The following ERCC3 variants were observed in gnomAD, a reference collection of about 807,000 sequenced individuals.
The protein encoded by ERCC3 is general transcription and DNA repair factor IIH helicase/translocase subunit XPB.
ERCC3 carries 66 observed loss-of-function variants against 94.2 expected under a neutral mutation model. That is an observed-to-expected ratio of 0.70 (90% CI 0.57 to 0.86). The LOEUF (loss-of-function observed/expected upper bound fraction) is 0.86, where lower values mean the gene tolerates loss of function less well. ERCC3 is among the 40% of genes least tolerant of loss of function. The pLI is 0.00. For missense variants in ERCC3, 829 were observed against 987.1 expected (o/e 0.84, Z 2.15); for synonymous variants, 349 against 369.1 (o/e 0.95, Z 0.63).
chr2:127,280,590 A>G lies in ERCC3; in HGVS notation c.1384T>C (p.Cys462Arg), dbSNP rs758594852. ...AGGGTCGCAGTCAAACCCAGCTTAC[A>G]GTGGGCCTGCACGATGGTGAGCACC... is the stretch of plus-strand genomic sequence containing the variant. ...RRVLTIVQAH[C>R]KLGLTATLVR... The change falls in exon 9 of 15, where the codon TGT (cysteine) becomes CGT (arginine). Residue 462 changes from cysteine (C) to arginine (R), a missense_variant. Cys to Arg is a radical substitution (Grantham distance 180). Coordinates refer to ENST00000285398, the MANE Select transcript of ERCC3 (RefSeq NM_000122.2). This position sits in a 1 kb window ranked among gnomAD's most constrained non-coding sequence, Gnocchi z 6.3. The G allele has an allele frequency of 3.7e-6, 6 of 1,614,208 alleles. No homozygotes were observed. The highest frequency in any genetic ancestry group is 5.1e-6 in the Non-Finnish European group (6 of 1,180,036).
intron 8 of ERCC3, among the ~76,000 whole-genome samples, chr2:127,285,982 T>TAA (rs11383326): frequency 4.7e-5 from 7 of 149,614 alleles, no homozygotes; most frequent in East Asian, 3.9e-4. Context: ...TAGAGCAGCT[T>TAA]AAAAAAAAAA....
chr2:127,283,544 T>C (rs1030306958), intron 8 of ERCC3, among the ~76,000 whole-genome samples: 1 of 152,190 alleles, frequency 6.6e-6, no homozygotes, highest in African/African-American at 2.4e-5. Context: ...TAAACATTCG[T>C]GTACAGGATT....
chr2:127,283,411 T>G (rs1684977402), intron 8 of ERCC3, among the ~76,000 whole-genome samples: 1 of 152,234 alleles, frequency 6.6e-6, no homozygotes, highest in African/African-American at 2.4e-5. Flanking sequence ...GGTTGCAACA[T>G]GCAGCAAGTT....
chr2:127,280,358 T>C lies in ERCC3; in HGVS notation c.1527+89A>G. The C allele has an allele frequency of 3.3e-6, 4 of 1,225,316 alleles. No individual in the cohort carries two copies. In the South Asian group the frequency reaches 3.9e-5, roughly 12 times the overall value. The allele number at this position is 1,225,316 out of a possible 1,614,324, so 75.9% of individuals were successfully genotyped here. A position where few individuals can be genotyped will look rare whatever the true frequency, so the allele number is the denominator to read the frequency against. On this transcript the variant is annotated intron_variant, in intron 9 of 14. Coordinates refer to ENST00000285398, the MANE Select transcript of ERCC3 (RefSeq NM_000122.2). This position sits in a 1 kb window ranked among gnomAD's most constrained non-coding sequence, Gnocchi z 6.3. The stretch of plus-strand genomic sequence containing the variant: ...TAGCAGGTGAGCCTAAGTCCTGACC[T>C]GTGTCTGCCCATGAGGAATCGATCT...
chr2:127,280,588 A>C lies in ERCC3; in HGVS notation c.1386T>G (p.Cys462Trp). 6.2e-7 allele frequency: 1 copy of C among 1,614,232 alleles called. No individual in the cohort carries two copies. The highest frequency in any genetic ancestry group is 8.5e-7 in the Non-Finnish European group (1 of 1,180,044). ...RRVLTIVQAH[C>W]KLGLTATLVR... ...CGAGGGTCGCAGTCAAACCCAGCTT[A>C]CAGTGGGCCTGCACGATGGTGAGCA... The change falls in exon 9 of 15, where the codon TGT becomes TGG. Residue 462 changes from cysteine (C) to tryptophan (W), a missense_variant. Transcript: ENST00000285398. The surrounding 1 kb of genome is among the most constrained non-coding windows in gnomAD (Gnocchi z 6.3).
chr2:127,290,974 T>G (rs1685250215), intron 3 of ERCC3: 1 of 152,652 alleles, frequency 6.6e-6, no homozygotes, highest in African/African-American at 2.4e-5. Context: ...CCCAGCTACT[T>G]GGGAGGCTGA....
intron 13 of ERCC3, 96 bp downstream of exon 13, chr2:127,261,132 T>G (rs900515943): frequency 2.0e-5 from 16 of 788,748 alleles, no homozygotes; most frequent in Non-Finnish European, 3.7e-5. Flanking sequence ...TAATGCTTGG[T>G]GCCTGCCTGC....
chr2:127,267,699 T>C (rs926871934), intron 12 of ERCC3, among the ~76,000 whole-genome samples: 1 of 152,196 alleles, frequency 6.6e-6, no homozygotes, highest in Non-Finnish European at 1.5e-5. Flanking sequence ...ACAGGGTCTG[T>C]GGGCTATGTG....
At chr2:127,292,342 C>T in intron 3 of ERCC3, 1 of 542,596 alleles carries the variant, frequency 1.8e-6, no homozygotes. Context: ...TGTTAATACC[C>T]ACAGCTGGGA....
In ERCC3 at chr2:127,274,304, G is replaced by A. The variant is rs1287993308; in HGVS notation, c.1731-1343C>T. Among the ~76,000 whole-genome samples, 15 of 146,984 alleles carry A rather than the reference G, an allele frequency of 1.0e-4. No individual in the cohort carries two copies. Among genetic ancestry groups the A allele is most frequent in the Non-Finnish European group, 2.1e-4 (14 of 67,230 alleles). On this transcript the variant is annotated intron_variant, in intron 10 of 14. Transcript: ENST00000285398. The surrounding 1 kb of genome is among the most constrained non-coding windows in gnomAD (Gnocchi z 4.0). ...CACTCCAGCCTGGGCAACAGAGTGA[G>A]ACTCCGTCTCAGAAAAAAAAAAAAA...
chr2:127,261,380 GACA>G (rs765700878), intron 12 of ERCC3, 34 bp from the exon 13 acceptor site: 42 of 1,285,544 alleles, frequency 3.3e-5, no homozygotes, highest in Non-Finnish European at 4.0e-5. Context: ...CAATAAAGAA[GACA>G]ACATTAGCCA....
intron 10 of ERCC3, among the ~76,000 whole-genome samples, chr2:127,278,013 A>G (rs1274575697): frequency 2.0e-5 from 3 of 152,166 alleles, no homozygotes; most frequent in African/African-American, 7.2e-5. Flanking sequence ...CCAAGGCAGG[A>G]GGAACTGCTT....
chr2:127,283,983 G>A (rs970033734), intron 8 of ERCC3, among the ~76,000 whole-genome samples: 1 of 150,894 alleles, frequency 6.6e-6, no homozygotes, highest in Non-Finnish European at 1.5e-5. Context: ...TCACCTTCCA[G>A]ACCAGCTCCT....
chr2:127,271,368 T>C lies in ERCC3; in HGVS notation c.1913A>G (p.Gln638Arg), dbSNP rs767273632. The change falls in exon 12 of 15, where the codon CAA (glutamine) becomes CGA (arginine). Residue 638 changes from glutamine to arginine, a missense_variant. Gln to Arg is a conservative substitution (Grantham distance 43). Coordinates refer to ENST00000285398, the MANE Select transcript of ERCC3 (RefSeq NM_000122.2). This position sits in a 1 kb window ranked among gnomAD's most constrained non-coding sequence, Gnocchi z 5.0. ...AGCTCGAAGCACCCGCCCTAGCCTT[T>C]GGGCTTCCTGACGCCTGGAGCCACC... Reference protein sequence around the residue: ...SHGGSRRQEAQRLGRVLRAKK... With the variant: ...SHGGSRRQEARRLGRVLRAKK... 1 of 1,614,076 alleles carries C rather than the reference T, an allele frequency of 6.2e-7. No homozygotes were observed. Among genetic ancestry groups the C allele is most frequent in the South Asian group, 1.1e-5 (1 of 91,088 alleles).
chr2:127,288,629 T>C (rs1685159300), intron 7 of ERCC3, 31 bp downstream of exon 7: 4 of 1,590,768 alleles, frequency 2.5e-6, no homozygotes, highest in Non-Finnish European at 3.5e-6. Context: ...CACAACAGCC[T>C]GACCACCTTC....
At position 127,277,483 on chromosome 2, in the gene ERCC3, A is replaced by AG. The variant is rs1684767440; in HGVS notation, c.1730+1689dup. Among the ~76,000 whole-genome samples the AG allele has an allele frequency of 1.3e-5, 2 of 152,182 alleles. 1 individual carries two copies. Among genetic ancestry groups the AG allele is most frequent in the South Asian group, 4.1e-4 (2 of 4,832 alleles). On this transcript the variant is annotated intron_variant, in intron 10 of 14. Coordinates refer to ENST00000285398, the MANE Select transcript of ERCC3 (RefSeq NM_000122.2). The surrounding 1 kb of genome is among the most constrained non-coding windows in gnomAD (Gnocchi z 5.1). ...GAGGCAGGCAGATCACGAGGTCAAG[A>AG]GATCGAGACCATCCTGGCCAATATG...
At chr2:127,293,937 C>T (rs533827107) in intron 1 of ERCC3, 117 bp downstream of exon 1, 105 of 1,533,280 alleles carry the variant, frequency 6.8e-5, no homozygotes, top group Middle Eastern at 5.9e-4. Flanking sequence ...CAACGGGGTG[C>T]GCGCGGGAGG....
At position 127,277,689 on chromosome 2, in the gene ERCC3, CA is replaced by C. The variant is rs34067323; in HGVS notation, c.1730+1483del. Among the ~76,000 whole-genome samples the C allele has an allele frequency of 4.1e-5, 6 of 144,622 alleles. No individual in the cohort carries two copies. Among genetic ancestry groups the C allele is most frequent in the Admixed American group, 6.9e-5 (1 of 14,524 alleles). 94.9% of individuals were successfully genotyped at this position (144,622 alleles called of 152,430 possible). On this transcript the variant is annotated intron_variant, in intron 10 of 14. Transcript: ENST00000285398. The surrounding 1 kb of genome is among the most constrained non-coding windows in gnomAD (Gnocchi z 5.1). ...CTGGCAACAGAGCAAGACTCCGTCT[CA>C]AAAAAAAAAGGAAAATGTAATAGTA...
At chr2:127,268,490 T>A (rs1196890315) in intron 12 of ERCC3, among the ~76,000 whole-genome samples, 4 of 152,098 alleles carry the variant, frequency 2.6e-5, no homozygotes, top group Non-Finnish European at 5.9e-5. Flanking sequence ...CTCAAACTCC[T>A]GAGTTCAAGC....
Sources: allele counts gnomAD v4.1 joint callset (sites outside exome capture counted in the v4.1 genomes callset), GRCh38; gene constraint gnomAD v4.1.1; non-coding constraint Gnocchi (gnomAD v3.1); transcripts MANE v1.5; gene names NCBI Gene and HGNC (gene_info 2026-07-23, HGNC 2026-07-21).